Variants in ASB7 observed in about 807,000 individuals in gnomAD.
ASB7 encodes ankyrin repeat and SOCS box protein 7.
A neutral mutation model predicts 32.5 loss-of-function variants in ASB7; 4 were observed. The ratio of observed to expected loss-of-function variants is 0.12; its 90% CI spans 0.06 to 0.28. The LOEUF is 0.28. Among genes scored for constraint, ASB7 ranks in the 10% least tolerant of loss-of-function variants. The probability of loss-of-function intolerance (pLI) is 1.00; values close to 1 mark genes in which losing one functional copy is unlikely to be tolerated. For missense variants in ASB7, 181 were observed against 407.1 expected (o/e 0.44, Z 4.78); for synonymous variants, 172 against 155.6 (o/e 1.11, Z -0.78).
chr15:100,648,001 T>C (rs1414015071), intron 5 of ASB7, among the ~76,000 whole-genome samples: 1 of 152,212 alleles, frequency 6.6e-6, no homozygotes, highest in Non-Finnish European at 1.5e-5. Context: ...AGAAAGGATA[T>C]GAGGCTTAGA....
At chr15:100,607,273 A>G (rs946158498) in intron 2 of ASB7, among the ~76,000 whole-genome samples, 1 of 151,804 alleles carries the variant, frequency 6.6e-6, no homozygotes, top group African/African-American at 2.4e-5. Context: ...TTCCATTCTC[A>G]TCTCTGGACT....
intron 5 of ASB7, among the ~76,000 whole-genome samples, chr15:100,641,481 T>A (rs1019914585): frequency 6.6e-6 from 1 of 152,210 alleles, no homozygotes; most frequent in African/African-American, 2.4e-5. Context: ...CAAGAGAAGT[T>A]CATACCTGTA....
intron 4 of ASB7, among the ~76,000 whole-genome samples, chr15:100,620,847 G>A (rs1303183785): frequency 6.6e-6 from 1 of 152,204 alleles, no homozygotes; most frequent in African/African-American, 2.4e-5. Context: ...CAGATTCAGT[G>A]TTTATGCAAA....
At chr15:100,630,307 T>C in intron 5 of ASB7, 11 of 633,030 alleles carry the variant, frequency 1.7e-5, no homozygotes, top group East Asian at 1.1e-4. Flanking sequence ...GAGAGGAGAA[T>C]TTTTTTTAAA....
chr15:100,618,407 G>A (rs548248759), intron 4 of ASB7, among the ~76,000 whole-genome samples: 11 of 152,006 alleles, frequency 7.2e-5, no homozygotes, highest in Non-Finnish European at 1.6e-4. Context: ...GAGCCACCGC[G>A]TCCAGTCTCG....
chr15:100,610,247 C>T (rs1596997649), intron 3 of ASB7, among the ~76,000 whole-genome samples: 1 of 152,154 alleles, frequency 6.6e-6, no homozygotes, highest in East Asian at 1.9e-4. Flanking sequence ...GTAATCCTAG[C>T]ACTTTGGGAG....
intron 2 of ASB7, among the ~76,000 whole-genome samples, chr15:100,604,436 GT>G (rs1437573396): frequency 6.6e-6 from 1 of 152,132 alleles, no homozygotes; most frequent in East Asian, 1.9e-4. Flanking sequence ...ATCCCAAATT[GT>G]TTAGGGAATT....
At chr15:100,645,172 A>G (rs1177182506) in intron 5 of ASB7, among the ~76,000 whole-genome samples, 1 of 152,240 alleles carries the variant, frequency 6.6e-6, no homozygotes, top group Non-Finnish European at 1.5e-5. Flanking sequence ...TGTGAGGTCA[A>G]AATGATTTCT....
In ASB7 at chr15:100,612,210, A is replaced by C; in HGVS notation, c.-7A>C. ...TGAATCCTTTGTAAAAAGTGGACTC[A>C]GCTAGGATGTTACACCATCATTGTC... On this transcript the variant is annotated 5_prime_UTR_variant, in exon 4 of 6. Transcript: ENST00000332783. 6.2e-7 allele frequency: 1 copy of C among 1,610,000 alleles called. No homozygotes were observed. Among genetic ancestry groups the C allele is most frequent in the Non-Finnish European group, 8.5e-7 (1 of 1,176,552 alleles).
intron 2 of ASB7, among the ~76,000 whole-genome samples, chr15:100,607,068 G>A (rs986450332): frequency 2.0e-5 from 3 of 151,450 alleles, no homozygotes; most frequent in East Asian, 1.9e-4. Context: ...CAGGAGAATC[G>A]CTTGAACCCT....
rs995936302 is a variant in ASB7, at chr15:100,629,365, T to G, written c.212-72T>G. 3.2e-5 allele frequency: 43 copies of G among 1,341,598 alleles called. No individual in the cohort carries two copies. The Admixed American group carries it at 6.2e-4, about 19-fold the overall frequency. The allele number at this position is 1,341,598 out of a possible 1,614,324, so 83.1% of individuals were successfully genotyped here. On this transcript the variant is annotated intron_variant, in intron 4 of 5. Coordinates refer to ENST00000332783, the MANE Select transcript of ASB7 (RefSeq NM_198243.3). The surrounding 1 kb of genome is among the most constrained non-coding windows in gnomAD (Gnocchi z 6.8). ...TTTTATATGAGAATTGGCCACAGTTTGCTGTGCCATGGTAATGTTTGTTGT... is the reference window on the plus strand; with the variant it reads ...TTTTATATGAGAATTGGCCACAGTTGGCTGTGCCATGGTAATGTTTGTTGT...
At chr15:100,627,020 G>A (rs190457088) in intron 4 of ASB7, among the ~76,000 whole-genome samples, 34 of 151,750 alleles carry the variant, frequency 2.2e-4, no homozygotes, top group African/African-American at 5.3e-4. Context: ...TTATATACTC[G>A]TATACAGTTA....
chr15:100,648,447 A>G lies in ASB7; in HGVS notation c.942A>G (p.Lys314=), dbSNP rs1597014771. ...TCATGAAAGACTACTTAAAACACAA[A>G]TTTGATGATATCTGATATGCCAGAA... is the stretch of plus-strand genomic sequence containing the variant. ...AKVMKDYLKH[K]FDDI is the part of the protein sequence containing the mutation. Residue 314 remains lysine, a synonymous_variant, in exon 6 of 6, where the codon AAA becomes AAG. Coordinates refer to ENST00000332783, the MANE Select transcript of ASB7 (RefSeq NM_198243.3). 1 of 1,606,966 alleles carries G rather than the reference A, an allele frequency of 6.2e-7. No homozygotes were observed.
intron 2 of ASB7, among the ~76,000 whole-genome samples, chr15:100,606,201 T>C (rs2141384781): frequency 6.6e-6 from 1 of 152,236 alleles, no homozygotes; most frequent in East Asian, 1.9e-4. Flanking sequence ...TGTTTTTTTT[T>C]TCTCAGACCC....
In ASB7 at chr15:100,648,603, G is replaced by A; in HGVS notation, c.*141G>A. 1.6e-6 allele frequency: 1 copy of A among 643,546 alleles called. No individual in the cohort carries two copies. Among genetic ancestry groups the A allele is most frequent in the Non-Finnish European group, 2.4e-6 (1 of 411,650 alleles). 39.9% of individuals were successfully genotyped at this position (643,546 alleles called of 1,614,324 possible). On this transcript the variant is annotated 3_prime_UTR_variant, in exon 6 of 6. Coordinates refer to ENST00000332783, the MANE Select transcript of ASB7 (RefSeq NM_198243.3). ...GTATACACTTTTGGGTTTTCTGTTT[G>A]TTTGGTTGGTTTTCATTGTAGGGGA... is the stretch of plus-strand genomic sequence containing the variant.
intron 4 of ASB7, among the ~76,000 whole-genome samples, chr15:100,626,086 G>A (rs529783053): frequency 6.6e-6 from 1 of 152,226 alleles, no homozygotes; most frequent in South Asian, 2.1e-4. Flanking sequence ...ACAATGCATT[G>A]AGCAAAGATT....
At chr15:100,635,023 T>C (rs1029415208) in intron 5 of ASB7, among the ~76,000 whole-genome samples, 1 of 152,186 alleles carries the variant, frequency 6.6e-6, no homozygotes, top group East Asian at 1.9e-4. Flanking sequence ...TGGGAATTCC[T>C]TTCACTGTGA....
At chr15:100,634,580 G>C (rs2039908366) in intron 5 of ASB7, among the ~76,000 whole-genome samples, 1 of 152,164 alleles carries the variant, frequency 6.6e-6, no homozygotes, top group Admixed American at 6.5e-5. Context: ...AAAGCAGGTG[G>C]ATCACTTGAG....
chr15:100,616,686 T>G (rs2039746207), intron 4 of ASB7, among the ~76,000 whole-genome samples: 1 of 152,270 alleles, frequency 6.6e-6, no homozygotes, highest in Non-Finnish European at 1.5e-5. Context: ...TTTGTTTTTA[T>G]GTAGCACCTT....
Sources: allele counts gnomAD v4.1 joint callset (sites outside exome capture counted in the v4.1 genomes callset), GRCh38; gene constraint gnomAD v4.1.1; non-coding constraint Gnocchi (gnomAD v3.1); transcripts MANE v1.5; gene names NCBI Gene and HGNC (gene_info 2026-07-23, HGNC 2026-07-21).